Variants in DOK6 observed in about 807,000 individuals in gnomAD.
DOK6 encodes the protein docking protein 6.
DOK6 carries 22 observed loss-of-function variants against 44.0 expected under a neutral mutation model. That is an observed-to-expected ratio of 0.50 (90% confidence interval 0.36 to 0.71). The LOEUF is 0.71. Among genes scored for constraint, DOK6 ranks in the 30% least tolerant of loss-of-function variants. DOK6 has a pLI of 0.00. For synonymous variants in DOK6, 166 were observed against 145.5 expected, an observed-to-expected ratio of 1.14 and a Z score of -1.01; for missense variants, 340 against 416.4, an observed-to-expected ratio of 0.82 and a Z score of 1.60.
At chr18:69,471,552 AT>A (rs1432711651) in intron 1 of DOK6, 1 of 149,338 alleles carries the variant, frequency 6.7e-6, no homozygotes, top group African/African-American at 2.5e-5. Context: ...TTAAGCAGGG[AT>A]TTGTCCTTCT....
In DOK6 at chr18:69,693,343, C is replaced by T. The variant is rs888194946; in HGVS notation, c.410-5061C>T. ...AAAAAAAAAAAAAAGAATCTATTGG[C>T]TTCCAGTAGACATTTTTCAAATTTC... On this transcript the variant is annotated intron_variant, in intron 4 of 7. Coordinates refer to ENST00000382713, the MANE Select transcript of DOK6 (RefSeq NM_152721.6). Among the ~76,000 whole-genome samples the T allele has an allele frequency of 1.8e-4, 27 of 147,866 alleles. No individual in the cohort carries two copies. In the East Asian group the frequency reaches 5.4e-3, roughly 30 times the overall value.
At chr18:69,595,131 T>G (rs1312998837) in intron 2 of DOK6, among the ~76,000 whole-genome samples, 3 of 152,196 alleles carry the variant, frequency 2.0e-5, no homozygotes, top group Non-Finnish European at 2.9e-5. Context: ...CATGCCATGT[T>G]AATGGACTGG....
chr18:69,718,669 AAT>A (rs1387097033), intron 5 of DOK6, among the ~76,000 whole-genome samples: 1 of 152,214 alleles, frequency 6.6e-6, no homozygotes, highest in Non-Finnish European at 1.5e-5. Flanking sequence ...ACCTCTCATG[AAT>A]AGAGGACAAC....
intron 2 of DOK6, among the ~76,000 whole-genome samples, chr18:69,583,991 C>T (rs1160404664): frequency 1.3e-5 from 2 of 151,254 alleles, no homozygotes; most frequent in African/African-American, 4.8e-5. Context: ...GCCTGTAGTC[C>T]CAGCTACTCA....
chr18:69,521,884 T>C (rs891802195), intron 1 of DOK6, among the ~76,000 whole-genome samples: 2 of 152,108 alleles, frequency 1.3e-5, no homozygotes. Flanking sequence ...AAACGTCATA[T>C]TGTACCCCAT....
rs566094530 is a variant in DOK6, at chr18:69,631,208, G to A, written c.289+31710G>A. Among the ~76,000 whole-genome samples, 9 of 152,248 alleles carry A rather than the reference G, an allele frequency of 5.9e-5. No individual in the cohort carries two copies. The South Asian group carries it at 1.9e-3, about 32-fold the overall frequency. Reference sequence around the variant, plus strand: ...AATATATACAAAATGTAGACAATATGAGAAGACATATTTGCTAATTGTCTC... The same window carrying A: ...AATATATACAAAATGTAGACAATATAAGAAGACATATTTGCTAATTGTCTC... On this transcript the variant is annotated intron_variant, in intron 3 of 7. Transcript: ENST00000382713.
chr18:69,537,876 T>C (rs969410812), intron 1 of DOK6, among the ~76,000 whole-genome samples: 6 of 152,202 alleles, frequency 3.9e-5, no homozygotes, highest in African/African-American at 1.4e-4. Flanking sequence ...CCAACATGTC[T>C]AAGATGTATC....
At chr18:69,475,843 A>G (rs1333198301) in intron 1 of DOK6, among the ~76,000 whole-genome samples, 1 of 152,238 alleles carries the variant, frequency 6.6e-6, no homozygotes, top group Non-Finnish European at 1.5e-5. Flanking sequence ...ATTAAACAAT[A>G]TGAGCCACTT....
chr18:69,722,475 G>T (rs1978290277), intron 5 of DOK6, among the ~76,000 whole-genome samples: 1 of 152,124 alleles, frequency 6.6e-6, no homozygotes, highest in Admixed American at 6.5e-5. Flanking sequence ...CCATCGCTTT[G>T]GTGCCTGTCT....
intron 1 of DOK6, among the ~76,000 whole-genome samples, chr18:69,525,118 A>G (rs2144567855): frequency 6.6e-6 from 1 of 151,962 alleles, no homozygotes; most frequent in Non-Finnish European, 1.5e-5. Context: ...GTACGTCTTT[A>G]AAACTATGTA....
rs572177949 is a variant in DOK6 at position 69,541,292 on chromosome 18, AAATATGTACT to A, written c.67-23194_67-23185del. ...ATGCTCTGGAATAATTCCTAAGTAG[AAATATGTACT>A]TGCTTGTGATGGGGAAATTGATGCC... On this transcript the variant is annotated intron_variant, in intron 1 of 7. Transcript: ENST00000382713. Among the ~76,000 whole-genome samples the A allele has an allele frequency of 3.5e-3, 536 of 151,612 alleles. 20 individuals carry two copies. The highest frequency in any genetic ancestry group is 6.7e-3 in the Non-Finnish European group (454 of 67,720).
At chr18:69,528,650 T>C (rs1981901591) in intron 1 of DOK6, among the ~76,000 whole-genome samples, 1 of 152,222 alleles carries the variant, frequency 6.6e-6, no homozygotes, top group Non-Finnish European at 1.5e-5. Context: ...GCTTTCTGTT[T>C]AAATGTAAGG....
intron 1 of DOK6, among the ~76,000 whole-genome samples, chr18:69,426,824 G>A (rs12455499): frequency 1.3e-5 from 2 of 151,670 alleles, no homozygotes; most frequent in African/African-American, 4.8e-5. Context: ...TGACTTTTTT[G>A]TACTCTCCTT....
chr18:69,801,159 C>T (rs1980895340), intron 7 of DOK6, among the ~76,000 whole-genome samples: 1 of 151,884 alleles, frequency 6.6e-6, no homozygotes, highest in South Asian at 2.1e-4. Flanking sequence ...GGCTTTAAGA[C>T]TACTTTTTAA....
At chr18:69,413,705 G>C (rs188830719) in intron 1 of DOK6, among the ~76,000 whole-genome samples, 111 of 151,924 alleles carry the variant, frequency 7.3e-4, no homozygotes, top group Non-Finnish European at 7.4e-5. Context: ...TCTTAGACTT[G>C]ACAACAAAAT....
At chr18:69,779,724 G>C (rs1157122867) in intron 7 of DOK6, among the ~76,000 whole-genome samples, 2 of 151,688 alleles carry the variant, frequency 1.3e-5, no homozygotes, top group Admixed American at 6.6e-5. Flanking sequence ...GTGTGTGCAT[G>C]TGTGTGTATT....
intron 7 of DOK6, among the ~76,000 whole-genome samples, chr18:69,831,002 T>C (rs1981885837): frequency 6.6e-6 from 1 of 152,124 alleles, no homozygotes; most frequent in South Asian, 2.1e-4. Flanking sequence ...ATAGAACCAG[T>C]AGGATACATA....
chr18:69,630,542 A>G (rs1249887125), intron 3 of DOK6, among the ~76,000 whole-genome samples: 1 of 152,230 alleles, frequency 6.6e-6, no homozygotes, highest in Non-Finnish European at 1.5e-5. Context: ...GAATACAGCC[A>G]AAGGGCTGAG....
chr18:69,786,140 G>C (rs1479230223), intron 7 of DOK6, among the ~76,000 whole-genome samples: 1 of 152,064 alleles, frequency 6.6e-6, no homozygotes, highest in Admixed American at 6.6e-5. Context: ...GTTTCCACAT[G>C]CTTGAAAAAA....
Sources: gnomAD v4.1 joint callset for allele counts (sites outside exome capture counted in the v4.1 genomes callset) on GRCh38, gnomAD v4.1.1 for gene constraint, MANE v1.5 for transcripts, NCBI Gene and HGNC (gene_info 2026-07-23, HGNC 2026-07-21) for gene names.